ANKRD17: variants seen among roughly 807,000 people sequenced by gnomAD.
The protein encoded by ANKRD17 is ankyrin repeat domain 17.
In ANKRD17, 19 loss-of-function variants were observed where a neutral mutation model predicts 229.7. The observed-to-expected ratio is 0.08, with a 90% CI of 0.06 to 0.12. The LOEUF is 0.12. Among genes scored for constraint, ANKRD17 ranks in the 10% least tolerant of loss-of-function variants. The pLI, the probability that ANKRD17 is intolerant of heterozygous loss-of-function variation, is 1.00. For missense variants in ANKRD17, 2,176 were observed against 3,176.8 expected, an observed-to-expected ratio of 0.68 and a Z score of 7.57; for synonymous variants, 1,112 against 1,146.1, an observed-to-expected ratio of 0.97 and a Z score of 0.60.
intron 1 of ANKRD17, among the ~76,000 whole-genome samples, chr4:73,178,588 A>G (rs993033449): frequency 6.6e-6 from 1 of 152,074 alleles, no homozygotes; most frequent in Non-Finnish European, 1.5e-5. Flanking sequence ...CTGTTTTTGC[A>G]CCATCATCGT....
chr4:73,200,466 C>T (rs1211015806), intron 1 of ANKRD17, among the ~76,000 whole-genome samples: 5 of 152,044 alleles, frequency 3.3e-5, no homozygotes, highest in Admixed American at 6.6e-5. Context: ...GCCTGGGCCA[C>T]GTTCTCAGAT....
chr4:73,082,959 T>C (rs1221990756), intron 30 of ANKRD17, among the ~76,000 whole-genome samples: 1 of 152,188 alleles, frequency 6.6e-6, no homozygotes, highest in Admixed American at 6.5e-5. Flanking sequence ...AAGGGAACAT[T>C]CTTATATTTA....
chr4:73,147,199 C>A, intron 9 of ANKRD17, 42 bp downstream of exon 9: 1 of 1,479,200 alleles, frequency 6.8e-7, no homozygotes, highest in Non-Finnish European at 9.1e-7. Context: ...TTTACTTAAA[C>A]AAATCATGTA....
intron 1 of ANKRD17, among the ~76,000 whole-genome samples, chr4:73,221,494 CA>C (rs1443991864): frequency 6.6e-6 from 1 of 152,012 alleles, no homozygotes; most frequent in African/African-American, 2.4e-5. Flanking sequence ...TCAAAATCTC[CA>C]AAGCACACTT....
At chr4:73,101,534 A>T (rs1723982943) in intron 25 of ANKRD17, among the ~76,000 whole-genome samples, 1 of 151,936 alleles carries the variant, frequency 6.6e-6, no homozygotes, top group Admixed American at 6.6e-5. Context: ...ACATGGTGGC[A>T]CGTCCCTGTA....
intron 11 of ANKRD17, among the ~76,000 whole-genome samples, 170 bp from the exon 12 acceptor site, chr4:73,142,937 C>A (rs1394456094): frequency 6.6e-6 from 1 of 152,132 alleles, no homozygotes. Flanking sequence ...CACAAATATC[C>A]TACATTAATT....
intron 19 of ANKRD17, 35 bp downstream of exon 19, chr4:73,121,582 A>G: frequency 6.2e-7 from 1 of 1,611,210 alleles, no homozygotes; most frequent in Non-Finnish European, 8.5e-7. Flanking sequence ...CAGTCTTACT[A>G]AATAAGGGGC....
At chr4:73,102,679 T>A in intron 24 of ANKRD17, 132 bp from the exon 25 acceptor site, 1 of 1,048,854 alleles carries the variant, frequency 9.5e-7, no homozygotes, top group Non-Finnish European at 1.4e-6. Context: ...ATTCATTGTT[T>A]TATCAAGATC....
intron 2 of ANKRD17, among the ~76,000 whole-genome samples, chr4:73,165,173 A>G (rs1330575801): frequency 8.5e-5 from 13 of 152,158 alleles, no homozygotes; most frequent in Admixed American, 8.5e-4. Context: ...CACCACTATC[A>G]AAAGAGAAAC....
chr4:73,087,760 A>T (rs1162548074), intron 29 of ANKRD17, among the ~76,000 whole-genome samples: 1 of 152,194 alleles, frequency 6.6e-6, no homozygotes. Context: ...AAACATTGTG[A>T]AGATCCATAT....
At chr4:73,094,936 C>A (rs1258614637) in intron 27 of ANKRD17, among the ~76,000 whole-genome samples, 2 of 151,880 alleles carry the variant, frequency 1.3e-5, no homozygotes, top group Non-Finnish European at 2.9e-5. Flanking sequence ...TTTGGGAGGC[C>A]AAGGCAGGCA....
chr4:73,247,732 G>T (rs1163237839), intron 1 of ANKRD17, among the ~76,000 whole-genome samples: 1 of 151,826 alleles, frequency 6.6e-6, no homozygotes, highest in Non-Finnish European at 1.5e-5. Context: ...ATCATAATCT[G>T]AAGACTCATC....
rs763182757 is a variant in ANKRD17, at chr4:73,091,906, A to T, written c.5722T>A (p.Leu1908Met). The T allele has an allele frequency of 1.2e-6, 2 of 1,614,216 alleles. No homozygotes were observed. The highest frequency in any genetic ancestry group is 1.7e-6 in the Non-Finnish European group (2 of 1,180,040). The change falls in exon 29 of 34, where the codon TTG becomes ATG. Residue 1908 changes from leucine to methionine, a missense_variant. Leu to Met is a conservative substitution (Grantham distance 15, BLOSUM62 2). Coordinates refer to ENST00000358602, the MANE Select transcript of ANKRD17 (RefSeq NM_032217.5). ...QTFQQIRPPR[L>M]PMTHFGGTFP... ...GTACCTCCAAAGTGGGTCATGGGCA[A>T]CCTTGGTGGACGGATCTGCTGGAAA... is the stretch of plus-strand genomic sequence containing the variant.
intron 23 of ANKRD17, among the ~76,000 whole-genome samples, chr4:73,115,170 A>G (rs1212962878): frequency 6.6e-6 from 1 of 152,226 alleles, no homozygotes; most frequent in Non-Finnish European, 1.5e-5. Context: ...TTACTTTCTC[A>G]ATATAGGTAT....
intron 1 of ANKRD17, among the ~76,000 whole-genome samples, chr4:73,181,454 CTT>C (rs1735530308): frequency 6.6e-6 from 1 of 152,070 alleles, no homozygotes; most frequent in Non-Finnish European, 1.5e-5. Context: ...TCCAGTTCCT[CTT>C]TTTCCAACTA....
intron 1 of ANKRD17, among the ~76,000 whole-genome samples, chr4:73,214,746 G>A (rs1353724280): frequency 6.7e-6 from 1 of 150,264 alleles, no homozygotes; most frequent in African/African-American, 2.4e-5. Flanking sequence ...GCTCACGCCT[G>A]TAATGCTAGC....
At chr4:73,178,557 G>T (rs1030917262) in intron 1 of ANKRD17, among the ~76,000 whole-genome samples, 2 of 151,770 alleles carry the variant, frequency 1.3e-5, no homozygotes, top group Non-Finnish European at 2.9e-5. Context: ...TGGCCTTCGG[G>T]TCCATAAGTT....
At chr4:73,078,339 T>C (rs1026348496) in intron 31 of ANKRD17, among the ~76,000 whole-genome samples, 2 of 151,828 alleles carry the variant, frequency 1.3e-5, no homozygotes, top group East Asian at 2.0e-4. Context: ...ATTGTGCCGC[T>C]GCAGTCCGGC....
Position 73,147,334 on chromosome 4 carries a change from C to A in ANKRD17, c.1666G>T (p.Ala556Ser). 2 of 1,610,154 alleles carry A rather than the reference C, an allele frequency of 1.2e-6. No homozygotes were observed. The highest frequency in any genetic ancestry group is 1.1e-5 in the South Asian group (1 of 90,572). ...FLEVADFLIK[A>S]GADIELGCST... ...CACCCTAGTTCTATATCGGCTCCTG[C>A]CTTAATTAGAAAGTCTGCCACTTCC... Residue 556 changes from alanine to serine, a missense_variant, in exon 9 of 34, where the codon GCA becomes TCA. Coordinates refer to ENST00000358602, the MANE Select transcript of ANKRD17 (RefSeq NM_032217.5).
Sources: allele counts gnomAD v4.1 joint callset (sites outside exome capture counted in the v4.1 genomes callset), GRCh38; gene constraint gnomAD v4.1.1; transcripts MANE v1.5; gene names NCBI Gene and HGNC (gene_info 2026-07-23, HGNC 2026-07-21).